Variants in CACNA1G observed in about 807,000 individuals in gnomAD.
CACNA1G encodes voltage-dependent T-type calcium channel subunit alpha-1G.
A neutral mutation model predicts 219.4 loss-of-function variants in CACNA1G; 67 were observed. The observed-to-expected ratio is 0.31, with a 90% CI of 0.25 to 0.37. The LOEUF is 0.37. CACNA1G is among the 10% of genes least tolerant of loss of function. The pLI is 1.00. For synonymous variants in CACNA1G, 1,296 were observed against 1,345.3 expected, an observed-to-expected ratio of 0.96 and a Z score of 0.80; for missense variants, 2,380 against 3,231.4, an observed-to-expected ratio of 0.74 and a Z score of 6.39.
chr17:50,612,864 A>G (rs2049536031), intron 26 of CACNA1G, among the ~76,000 whole-genome samples: 1 of 152,194 alleles, frequency 6.6e-6, no homozygotes, highest in Admixed American at 6.5e-5. Context: ...CACAGCTACC[A>G]ATGCATCAGT....
At chr17:50,619,245 G>A (rs894175801) in intron 33 of CACNA1G, among the ~76,000 whole-genome samples, 1 of 152,160 alleles carries the variant, frequency 6.6e-6, no homozygotes, top group African/African-American at 2.4e-5. Context: ...TGCTCCTCCA[G>A]CCTGGTCTGG....
chr17:50,626,138 G>A lies in CACNA1G; in HGVS notation c.6521G>A (p.Ser2174Asn). The change falls in exon 38 of 38, where the codon AGT becomes AAT. Residue 2174 changes from serine (S) to asparagine (N), a missense_variant. Around this residue, in one of 17 missense-constraint regions of CACNA1G, gnomAD observed 672 missense variants for 670.5 expected, o/e 1.00. Transcript: ENST00000359106. This position sits in a 1 kb window ranked among gnomAD's most constrained non-coding sequence, Gnocchi z 4.3. ...ARAYSFWGQS[S>N]TQAQQHSRSH... ...GCCTACTCTTTCTGGGGCCAGTCAA[G>A]TACCCAGGCACAGCAGCACTCCCGC... 4 of 1,613,748 alleles carry A rather than the reference G, an allele frequency of 2.5e-6. No individual in the cohort carries two copies. The highest frequency in any genetic ancestry group is 3.4e-6 in the Non-Finnish European group (4 of 1,179,838).
rs554548675 is a variant in CACNA1G at position 50,609,697 on chromosome 17, T to C, written c.4706-185T>C. Among the ~76,000 whole-genome samples the C allele has an allele frequency of 3.3e-5, 5 of 152,262 alleles. No individual in the cohort carries two copies. The South Asian group carries it at 6.2e-4, about 19-fold the overall frequency. ...ACCCTGACCAGCTAGCCACATTGCT[T>C]GTCTTCCTCAAGTGCCCTGTGCCCC... On this transcript the variant is annotated intron_variant, in intron 25 of 37. Transcript: ENST00000359106.
Position 50,576,117 on chromosome 17 carries a change from C to G in CACNA1G, c.1715C>G (p.Pro572Arg), listed in dbSNP as rs375742497. The change falls in exon 8 of 38, where the codon CCT becomes CGT. Residue 572 changes from proline (P) to arginine (R), a missense_variant. By Grantham distance (103) the Pro-to-Arg change is moderately radical (BLOSUM62 -2). Coordinates refer to ENST00000359106, the MANE Select transcript of CACNA1G (RefSeq NM_018896.5). ...GAGCCAGTCCGCTGCCAGGCGCCCC[C>G]TCCCAGGTCCCCATCTGAGGCATCC... The part of the protein sequence containing the change: ...HLEPVRCQAP[P>R]PRSPSEASGR... The G allele has an allele frequency of 3.1e-6, 5 of 1,600,814 alleles. No homozygotes were observed. Among genetic ancestry groups the G allele is most frequent in the Non-Finnish European group, 4.3e-6 (5 of 1,174,638 alleles).
At chr17:50,609,361 C>A (rs1332323657) in intron 25 of CACNA1G, among the ~76,000 whole-genome samples, 2 of 152,170 alleles carry the variant, frequency 1.3e-5, no homozygotes, top group Non-Finnish European at 2.9e-5. Flanking sequence ...ACTATCAGCA[C>A]CCCCAAGGCC....
rs556663986 is a variant in CACNA1G, at chr17:50,600,352, T to G, written c.3691-374T>G. Among the ~76,000 whole-genome samples, 78 of 152,090 alleles carry G rather than the reference T, an allele frequency of 5.1e-4. No homozygotes were observed. The highest frequency in any genetic ancestry group is 1.7e-3 in the African/African-American group (70 of 41,460). The stretch of plus-strand genomic sequence containing the variant: ...AGGGCCAGTGTCTCCTCAGCTGAGG[T>G]GTGTCTCTGAACAGACAGCTGTGTG... On this transcript the variant is annotated intron_variant, in intron 17 of 37. Coordinates refer to ENST00000359106, the MANE Select transcript of CACNA1G (RefSeq NM_018896.5). This position sits in a 1 kb window ranked among gnomAD's most constrained non-coding sequence, Gnocchi z 4.1.
chr17:50,614,982 G>T (rs976642445), intron 26 of CACNA1G, among the ~76,000 whole-genome samples: 10 of 152,228 alleles, frequency 6.6e-5, no homozygotes, highest in African/African-American at 2.2e-4. Context: ...CGTCCTCTGA[G>T]CCTGAGGAGA....
intron 1 of CACNA1G, among the ~76,000 whole-genome samples, chr17:50,566,812 C>T (rs1598010625): frequency 2.0e-5 from 3 of 152,338 alleles, no homozygotes; most frequent in Non-Finnish European, 4.4e-5. Flanking sequence ...ATCAGAATGC[C>T]CCTGCCTGTC....
At position 50,560,877 on chromosome 17, in the gene CACNA1G, T is replaced by C. The variant is rs1041373902; in HGVS notation, c.-583T>C. On this transcript the variant is annotated 5_prime_UTR_variant, in exon 1 of 38. Transcript: ENST00000359106. ...CCGCCCGGGACTGCCCCCCACTGTCTCCCCGCCCCTCCCGGACAGTGAGCC... is the reference window on the plus strand; with the variant it reads ...CCGCCCGGGACTGCCCCCCACTGTCCCCCCGCCCCTCCCGGACAGTGAGCC... Among the ~76,000 whole-genome samples, 1 of 150,178 alleles carries C rather than the reference T, an allele frequency of 6.7e-6. No homozygotes were observed. Among genetic ancestry groups the C allele is most frequent in the Admixed American group, 6.6e-5 (1 of 15,206 alleles).
rs537954437 is a variant in CACNA1G at position 50,590,841 on chromosome 17, G to A, written c.2453+219G>A. Reference sequence around the variant, plus strand: ...CCCACCTTGCTCCTGTTGACCTTGGGCTCACCTCTTCATTGCCCAGGCCCC... The same window carrying A: ...CCCACCTTGCTCCTGTTGACCTTGGACTCACCTCTTCATTGCCCAGGCCCC... On this transcript the variant is annotated intron_variant, in intron 10 of 37. Coordinates refer to ENST00000359106, the MANE Select transcript of CACNA1G (RefSeq NM_018896.5). 1.1e-4 allele frequency among the ~76,000 whole-genome samples: 16 copies of A among 152,146 alleles called. 1 individual carries two copies. Among genetic ancestry groups the A allele is most frequent in the Admixed American group, 1.0e-3 (16 of 15,280 alleles).
chr17:50,580,374 C>T (rs998672983), intron 9 of CACNA1G, among the ~76,000 whole-genome samples: 7 of 152,010 alleles, frequency 4.6e-5, no homozygotes, highest in East Asian at 1.9e-4. Context: ...ACCCCTGTTC[C>T]GGCCATGGTC....
In CACNA1G at chr17:50,626,845, A is replaced by C; in HGVS notation, c.*94A>C. ...TATTCCTGACAAAAGTTCCATATAG[A>C]CACCAAGGAGGCGGAGGCGCTCCTC... On this transcript the variant is annotated 3_prime_UTR_variant, in exon 38 of 38. Transcript: ENST00000359106. The surrounding 1 kb of genome is among the most constrained non-coding windows in gnomAD (Gnocchi z 4.3). 2 of 1,537,466 alleles carry C rather than the reference A, an allele frequency of 1.3e-6. No homozygotes were observed. The highest frequency in any genetic ancestry group is 1.8e-6 in the Non-Finnish European group (2 of 1,112,056).
Position 50,621,215 on chromosome 17 carries a change from C to T in CACNA1G, c.5926-445C>T, listed in dbSNP as rs932269808. 2.6e-5 allele frequency among the ~76,000 whole-genome samples: 4 copies of T among 151,790 alleles called. No individual in the cohort carries two copies. Among genetic ancestry groups the T allele is most frequent in the Non-Finnish European group, 4.4e-5 (3 of 68,010 alleles). On this transcript the variant is annotated intron_variant, in intron 34 of 37. Coordinates refer to ENST00000359106, the MANE Select transcript of CACNA1G (RefSeq NM_018896.5). The surrounding 1 kb of genome is among the most constrained non-coding windows in gnomAD (Gnocchi z 4.6). ...GCATTGTCGCCGGCGCCCCCCGTGC[C>T]GCTCTGTCTGTGCCGGGAGGAGAGA...
In CACNA1G at chr17:50,627,406, TATAC is replaced by T. The variant is rs1347848310; in HGVS notation, c.*667_*670del. 3 of 372,830 alleles carry T rather than the reference TATAC, an allele frequency of 8.0e-6. No homozygotes were observed. Among genetic ancestry groups the T allele is most frequent in the African/African-American group, 4.3e-5 (2 of 46,828 alleles). The allele number at this position is 372,830 out of a possible 1,614,324, so 23.1% of individuals were successfully genotyped here. A position where few individuals can be genotyped will look rare whatever the true frequency, so the allele number is the denominator to read the frequency against. Reference sequence around the variant, plus strand: ...ACAAGTGAAATGGAACCTTTTTATATATACATACATACATATCTATCTATCTATC... The same window carrying T: ...ACAAGTGAAATGGAACCTTTTTATATATACATACATATCTATCTATCTATC... On this transcript the variant is annotated 3_prime_UTR_variant, in exon 38 of 38. Coordinates refer to ENST00000359106, the MANE Select transcript of CACNA1G (RefSeq NM_018896.5).
chr17:50,600,707 T>C lies in CACNA1G; in HGVS notation c.3691-19T>C. ...CCTGGAGGCCTGGTCCTGCTCATAC[T>C]CCAGTGTTTGTTCTGCAGAGCAAAG... On this transcript the variant is annotated intron_variant, in intron 17 of 37. Coordinates refer to ENST00000359106, the MANE Select transcript of CACNA1G (RefSeq NM_018896.5). This position sits in a 1 kb window ranked among gnomAD's most constrained non-coding sequence, Gnocchi z 4.1. 3 of 1,609,442 alleles carry C rather than the reference T, an allele frequency of 1.9e-6. No individual in the cohort carries two copies. Among genetic ancestry groups the C allele is most frequent in the Non-Finnish European group, 2.6e-6 (3 of 1,176,016 alleles).
intron 9 of CACNA1G, among the ~76,000 whole-genome samples, chr17:50,579,227 G>A (rs747768604): frequency 3.3e-5 from 5 of 152,180 alleles, no homozygotes; most frequent in Non-Finnish European, 7.3e-5. Flanking sequence ...GAGGAGCAAG[G>A]GCTCAGCAGG....
intron 19 of CACNA1G, among the ~76,000 whole-genome samples, chr17:50,602,479 C>T (rs1336961161): frequency 1.3e-5 from 2 of 152,174 alleles, no homozygotes; most frequent in East Asian, 3.9e-4. Context: ...GAGATCCTGC[C>T]CCAGTTTTTA....
intron 22 of CACNA1G, among the ~76,000 whole-genome samples, chr17:50,604,490 G>T (rs373673184): frequency 7.2e-5 from 11 of 152,378 alleles, no homozygotes; most frequent in Admixed American, 7.2e-4. Context: ...AAGGAGGACC[G>T]GGGCTGCCGA....
intron 1 of CACNA1G, chr17:50,563,250 C>T (rs2144303320): frequency 6.6e-6 from 1 of 152,420 alleles, no homozygotes; most frequent in South Asian, 2.1e-4. Context: ...CATCCACTGC[C>T]CCTTCTTCCT....
Sources: allele counts gnomAD v4.1 joint callset (sites outside exome capture counted in the v4.1 genomes callset), GRCh38; gene constraint gnomAD v4.1.1; regional missense constraint gnomAD v4.1.1; non-coding constraint Gnocchi (gnomAD v3.1); transcripts MANE v1.5; gene names NCBI Gene and HGNC (gene_info 2026-07-23, HGNC 2026-07-21).